Variants in SLCO3A1 observed in about 807,000 individuals in gnomAD.
SLCO3A1 encodes the protein PGE1 transporter.
SLCO3A1 carries 27 observed loss-of-function variants against 63.1 expected under a neutral mutation model. The observed-to-expected ratio is 0.43, with a 90% CI of 0.32 to 0.59. The LOEUF is 0.59. Ranked by LOEUF, SLCO3A1 falls within the 20% of genes least tolerant of loss-of-function variation. The pLI, the probability that SLCO3A1 is intolerant of heterozygous loss-of-function variation, is 0.09. For synonymous variants in SLCO3A1, 473 were observed against 409.9 expected, an observed-to-expected ratio of 1.15 and a Z score of -1.86; for missense variants, 773 against 945.8, an observed-to-expected ratio of 0.82 and a Z score of 2.40.
intron 2 of SLCO3A1, among the ~76,000 whole-genome samples, chr15:92,064,425 T>G (rs1306912144): frequency 2.4e-5 from 2 of 84,254 alleles, no homozygotes; most frequent in African/African-American, 7.2e-5. Flanking sequence ...TCCTTTGCTG[T>G]GCAGAAGCTT....
intron 2 of SLCO3A1, among the ~76,000 whole-genome samples, chr15:91,951,195 G>A (rs184825352): frequency 7.9e-5 from 12 of 152,270 alleles, no homozygotes; most frequent in Non-Finnish European, 1.3e-4. Context: ...ATCATCCCCA[G>A]AAGAAACTCC....
intron 2 of SLCO3A1, among the ~76,000 whole-genome samples, chr15:92,002,102 C>T (rs1195856473): frequency 6.6e-6 from 1 of 152,098 alleles, no homozygotes; most frequent in Non-Finnish European, 1.5e-5. Context: ...GAGCCCTTAG[C>T]TGCTGGAACT....
At chr15:92,067,210 G>A (rs2047162334) in intron 2 of SLCO3A1, among the ~76,000 whole-genome samples, 1 of 152,178 alleles carries the variant, frequency 6.6e-6, no homozygotes, top group Non-Finnish European at 1.5e-5. Flanking sequence ...CCAGAGCCCT[G>A]TACACCATGC....
intron 7 of SLCO3A1, among the ~76,000 whole-genome samples, chr15:92,139,395 T>G (rs1163017164): frequency 6.6e-6 from 1 of 152,074 alleles, no homozygotes; most frequent in Non-Finnish European, 1.5e-5. Context: ...TTATTGAGGA[T>G]TTTGGCATCA....
At chr15:92,098,022 C>A (rs12437857) in intron 3 of SLCO3A1, 44,712 of 152,126 alleles carry the variant, frequency 0.29, 6,782 homozygotes, top group South Asian at 0.34. Flanking sequence ...AAGGGCCACA[C>A]ACGTGGACAC....
chr15:92,077,138 A>G (rs139418217), intron 2 of SLCO3A1, among the ~76,000 whole-genome samples: 155 of 152,218 alleles, frequency 1.0e-3, no homozygotes, highest in African/African-American at 3.6e-3. Context: ...TGAGAACAGC[A>G]TGAGGGTAAC....
intron 1 of SLCO3A1, among the ~76,000 whole-genome samples, chr15:91,881,397 A>C (rs1897582339): frequency 6.6e-6 from 1 of 151,772 alleles, no homozygotes; most frequent in African/African-American, 2.4e-5. Context: ...TCCTGGTTTG[A>C]GGTTGATCAG....
In SLCO3A1 at chr15:91,942,512, T is replaced by G. The variant is rs373458836; in HGVS notation, c.646+26054T>G. ...GTGTCAGTGGCCATCCCTCTTAGATTGACGATGCCCAGGCTCACTGGTTTT... is the reference window on the plus strand; with the variant it reads ...GTGTCAGTGGCCATCCCTCTTAGATGGACGATGCCCAGGCTCACTGGTTTT... On this transcript the variant is annotated intron_variant, in intron 2 of 9. Coordinates refer to ENST00000318445, the MANE Select transcript of SLCO3A1 (RefSeq NM_013272.4). This position sits in a 1 kb window ranked among gnomAD's most constrained non-coding sequence, Gnocchi z 4.1. 1.3e-5 allele frequency among the ~76,000 whole-genome samples: 2 copies of G among 152,198 alleles called. No homozygotes were observed. Among genetic ancestry groups the G allele is most frequent in the Non-Finnish European group, 2.9e-5 (2 of 68,032 alleles).
At chr15:92,145,251 G>T (rs756216865) in intron 7 of SLCO3A1, among the ~76,000 whole-genome samples, 5 of 152,216 alleles carry the variant, frequency 3.3e-5, no homozygotes, top group Non-Finnish European at 7.3e-5. Flanking sequence ...AATGCAGGTG[G>T]TGAGCTAAAT....
chr15:91,927,770 T>G (rs1899082337), intron 2 of SLCO3A1, among the ~76,000 whole-genome samples: 1 of 152,208 alleles, frequency 6.6e-6, no homozygotes, highest in East Asian at 1.9e-4. Flanking sequence ...GGGTTGTTAA[T>G]GGAGTTTACA....
rs146262162 is a variant in SLCO3A1, at chr15:91,886,413, G to A, written c.181-29580G>A. On this transcript the variant is annotated intron_variant, in intron 1 of 9. Coordinates refer to ENST00000318445, the MANE Select transcript of SLCO3A1 (RefSeq NM_013272.4). The surrounding 1 kb of genome is among the most constrained non-coding windows in gnomAD (Gnocchi z 4.9). ...GCCCGCTGCACCTACCTTGGGTCTG[G>A]GTGGCTCCTGTTTGTGTCCACATCA... Among the ~76,000 whole-genome samples, 5 of 152,232 alleles carry A rather than the reference G, an allele frequency of 3.3e-5. No individual in the cohort carries two copies. The highest frequency in any genetic ancestry group is 2.1e-4 in the South Asian group (1 of 4,812).
At chr15:91,983,872 C>A (rs1157648585) in intron 2 of SLCO3A1, among the ~76,000 whole-genome samples, 1 of 152,150 alleles carries the variant, frequency 6.6e-6, no homozygotes, top group Non-Finnish European at 1.5e-5. Context: ...CATTCCTGGA[C>A]CATAACATTG....
chr15:91,983,716 A>G (rs151071604), intron 2 of SLCO3A1, among the ~76,000 whole-genome samples: 1 of 152,336 alleles, frequency 6.6e-6, no homozygotes, highest in East Asian at 1.9e-4. Context: ...ACAAAAAGCA[A>G]TAAAATCATG....
chr15:92,142,189 C>G (rs768616388), intron 7 of SLCO3A1, among the ~76,000 whole-genome samples: 22 of 152,222 alleles, frequency 1.4e-4, no homozygotes, highest in Non-Finnish European at 2.9e-4. Context: ...TTGTGCCGGT[C>G]TCTGGCTTTT....
At chr15:92,075,435 T>C (rs1323790744) in intron 2 of SLCO3A1, among the ~76,000 whole-genome samples, 1 of 152,156 alleles carries the variant, frequency 6.6e-6, no homozygotes, top group Non-Finnish European at 1.5e-5. Context: ...GGCTGCCCCT[T>C]TGTAACCCTG....
intron 2 of SLCO3A1, among the ~76,000 whole-genome samples, chr15:91,966,800 T>A (rs1567042579): frequency 6.6e-6 from 1 of 152,208 alleles, no homozygotes; most frequent in Non-Finnish European, 1.5e-5. Context: ...CATCTGGCAC[T>A]GTTCGTGGAA....
intron 2 of SLCO3A1, among the ~76,000 whole-genome samples, chr15:92,072,320 T>C (rs2047226484): frequency 6.6e-6 from 1 of 152,142 alleles, no homozygotes; most frequent in South Asian, 2.1e-4. Context: ...TTCTTTTTCT[T>C]TTTTGGTGGT....
intron 2 of SLCO3A1, among the ~76,000 whole-genome samples, chr15:92,030,185 A>G (rs2046629164): frequency 6.6e-6 from 1 of 152,218 alleles, no homozygotes; most frequent in African/African-American, 2.4e-5. Flanking sequence ...AAATGCCCCA[A>G]AGGGTTAGTT....
intron 1 of SLCO3A1, among the ~76,000 whole-genome samples, chr15:91,910,338 C>T (rs1164360371): frequency 6.6e-6 from 1 of 152,202 alleles, no homozygotes; most frequent in Non-Finnish European, 1.5e-5. Flanking sequence ...CAGGCTGTAC[C>T]ATTGTTAGAT....
Sources: allele counts gnomAD v4.1 joint callset (sites outside exome capture counted in the v4.1 genomes callset), GRCh38; gene constraint gnomAD v4.1.1; non-coding constraint Gnocchi (gnomAD v3.1); transcripts MANE v1.5; gene names NCBI Gene and HGNC (gene_info 2026-07-23, HGNC 2026-07-21).